NELL1: variants seen among roughly 807,000 people sequenced by gnomAD.
NELL1 encodes protein kinase C-binding protein NELL1.
In NELL1, 76 loss-of-function variants were observed where a neutral mutation model predicts 107.4. That is an observed-to-expected ratio of 0.71 (90% CI 0.59 to 0.86). The LOEUF is 0.86. Ranked by LOEUF, NELL1 falls within the 40% of genes least tolerant of loss-of-function variation. The pLI, the probability that NELL1 is intolerant of heterozygous loss-of-function variation, is 0.00. For missense variants in NELL1, 1,024 were observed against 1,005.5 expected, an observed-to-expected ratio of 1.02 and a Z score of -0.25; for synonymous variants, 353 against 341.2, an observed-to-expected ratio of 1.03 and a Z score of -0.38.
chr11:21,457,274 C>T (rs1050123882), intron 15 of NELL1, among the ~76,000 whole-genome samples: 8 of 151,990 alleles, frequency 5.3e-5, no homozygotes, highest in African/African-American at 1.9e-4. Context: ...TATGGGAAAA[C>T]AAAATGAAAA....
At chr11:21,308,398 A>G (rs1295699086) in intron 14 of NELL1, among the ~76,000 whole-genome samples, 2 of 152,208 alleles carry the variant, frequency 1.3e-5, no homozygotes, top group East Asian at 3.9e-4. Flanking sequence ...GTAATAGGTC[A>G]TAAGAGGGGA....
intron 3 of NELL1, among the ~76,000 whole-genome samples, chr11:20,843,545 T>G (rs541774995): frequency 1.5e-4 from 21 of 136,914 alleles, no homozygotes; most frequent in Non-Finnish European, 2.4e-4. Context: ...TTTGAATATA[T>G]CTAGCCCTTC....
intron 2 of NELL1, among the ~76,000 whole-genome samples, chr11:20,682,132 G>T (rs1023961459): frequency 3.3e-5 from 5 of 152,092 alleles, no homozygotes; most frequent in Non-Finnish European, 5.9e-5. Context: ...TCATAGAATG[G>T]CTAAGCATTG....
intron 15 of NELL1, among the ~76,000 whole-genome samples, chr11:21,493,691 T>C (rs1375152621): frequency 2.0e-5 from 3 of 151,990 alleles, no homozygotes; most frequent in African/African-American, 7.2e-5. Flanking sequence ...TGACAGCAGA[T>C]AGGGTGACTA....
intron 2 of NELL1, among the ~76,000 whole-genome samples, chr11:20,746,413 T>A (rs1192491913): frequency 6.6e-6 from 1 of 152,196 alleles, no homozygotes; most frequent in Non-Finnish European, 1.5e-5. Context: ...GCAAGTAACT[T>A]AACCACTCCA....
chr11:21,131,884 C>A lies in NELL1; in HGVS notation c.1426+18170C>A, dbSNP rs182390433. On this transcript the variant is annotated intron_variant, in intron 13 of 19. Coordinates refer to ENST00000357134, the MANE Select transcript of NELL1 (RefSeq NM_006157.5). ...ATGATGTTTTATTAACCACTATTGA[C>A]TTGTGACTTGGAATTGTCACACAAG... is the stretch of plus-strand genomic sequence containing the variant. 4.5e-4 allele frequency among the ~76,000 whole-genome samples: 68 copies of A among 152,270 alleles called. 1 individual carries two copies. The highest frequency in any genetic ancestry group is 1.5e-3 in the Admixed American group (23 of 15,302).
At chr11:21,370,759 A>C in intron 14 of NELL1, 94 bp from the exon 15 acceptor site, 2 of 921,242 alleles carry the variant, frequency 2.2e-6, no homozygotes, top group Non-Finnish European at 3.4e-6. Context: ...TTCCCTATGC[A>C]ACAAAGAAAG....
intron 15 of NELL1, among the ~76,000 whole-genome samples, chr11:21,444,243 T>A (rs1590936884): frequency 6.6e-6 from 1 of 152,332 alleles, no homozygotes; most frequent in South Asian, 2.1e-4. Flanking sequence ...CACAGAAGGA[T>A]AATTGGGCTG....
intron 12 of NELL1, among the ~76,000 whole-genome samples, chr11:21,091,717 T>C (rs1266941613): frequency 2.0e-5 from 3 of 152,166 alleles, no homozygotes; most frequent in African/African-American, 7.2e-5. Context: ...AGATTCCATG[T>C]GTGCTGAGGG....
rs770671664 is a variant in NELL1 at position 21,560,273 on chromosome 11, G to A, written c.1871G>A (p.Cys624Tyr). Residue 624 changes from cysteine (C) to tyrosine (Y), a missense_variant, in exon 17 of 20, where the codon TGC becomes TAC. By Grantham distance (194) the Cys-to-Tyr change is radical (BLOSUM62 -2). Transcript: ENST00000357134. ...CTGGCAGGGGGCTTTGACTGTCTCT[G>A]CCCCTCTGGGCCCTCCTGCTCTGGT... is the stretch of plus-strand genomic sequence containing the variant. ...INLAGGFDCLCPSGPSCSGDC... is the reference protein window; with the variant it reads ...INLAGGFDCLYPSGPSCSGDC... The A allele has an allele frequency of 1.2e-6, 2 of 1,613,582 alleles. No individual in the cohort carries two copies. Among genetic ancestry groups the A allele is most frequent in the East Asian group, 4.5e-5 (2 of 44,748 alleles).
chr11:21,125,929 G>A (rs1361369793), intron 13 of NELL1, among the ~76,000 whole-genome samples: 1 of 152,212 alleles, frequency 6.6e-6, no homozygotes, highest in Non-Finnish European at 1.5e-5. Context: ...CATCTTCAGA[G>A]AAATGGGCAC....
intron 9 of NELL1, among the ~76,000 whole-genome samples, chr11:20,934,841 G>A (rs1399959425): frequency 6.6e-6 from 1 of 152,152 alleles, no homozygotes; most frequent in Admixed American, 6.5e-5. Flanking sequence ...GGACCAACGA[G>A]TCATGGTCAA....
At chr11:21,212,152 C>T (rs997002118) in intron 13 of NELL1, among the ~76,000 whole-genome samples, 2 of 151,980 alleles carry the variant, frequency 1.3e-5, no homozygotes, top group African/African-American at 4.8e-5. Flanking sequence ...TAGTGGCTAC[C>T]CTGGTTTGAA....
At chr11:21,060,679 T>C (rs1299291209) in intron 12 of NELL1, among the ~76,000 whole-genome samples, 1 of 152,176 alleles carries the variant, frequency 6.6e-6, no homozygotes, top group African/African-American at 2.4e-5. Flanking sequence ...TTTGTGGACA[T>C]CCTCCACCTT....
chr11:20,964,386 C>A (rs964033751), intron 12 of NELL1, among the ~76,000 whole-genome samples: 1 of 152,126 alleles, frequency 6.6e-6, no homozygotes, highest in African/African-American at 2.4e-5. Context: ...ACACATCATG[C>A]CATCTGTCAG....
At chr11:21,180,968 C>T (rs67653447) in intron 13 of NELL1, among the ~76,000 whole-genome samples, 14,586 of 151,620 alleles carry the variant, frequency 0.096, 850 homozygotes, top group Non-Finnish European at 0.11. Context: ...ATATACTAGG[C>T]AAAGTAAACA....
At chr11:21,129,161 T>C (rs566175511) in intron 13 of NELL1, among the ~76,000 whole-genome samples, 2 of 152,286 alleles carry the variant, frequency 1.3e-5, no homozygotes, top group South Asian at 4.1e-4. Flanking sequence ...TTCATTATTG[T>C]GTGTATGTGT....
chr11:21,067,894 G>T (rs1853914668), intron 12 of NELL1, among the ~76,000 whole-genome samples: 1 of 151,812 alleles, frequency 6.6e-6, no homozygotes, highest in Non-Finnish European at 1.5e-5. Context: ...TTAGCCGGGT[G>T]TGGTGGCACA....
intron 13 of NELL1, among the ~76,000 whole-genome samples, chr11:21,150,420 A>C (rs1397773126): frequency 6.6e-6 from 1 of 152,104 alleles, no homozygotes; most frequent in Non-Finnish European, 1.5e-5. Context: ...CTGTGCTTGG[A>C]GGCCACCATG....
Sources: gnomAD v4.1 joint callset for allele counts (sites outside exome capture counted in the v4.1 genomes callset) on GRCh38, gnomAD v4.1.1 for gene constraint, MANE v1.5 for transcripts, NCBI Gene and HGNC (gene_info 2026-07-23, HGNC 2026-07-21) for gene names.